THTPA: variants seen among roughly 807,000 people sequenced by gnomAD.
The protein encoded by THTPA is thiamine triphosphatase, also known as thiamine-triphosphatase.
A neutral mutation model predicts 16.5 loss-of-function variants in THTPA; 16 were observed. The ratio of observed to expected loss-of-function variants is 0.97; its 90% confidence interval spans 0.66 to 1.47. THTPA has a LOEUF of 1.47. THTPA is among the 40% of genes most tolerant of loss of function. The pLI is 0.00. For synonymous variants in THTPA, 110 were observed against 115.5 expected (o/e 0.95, Z 0.30); for missense variants, 281 against 280.9 (o/e 1.00, Z 0.00).
At chr14:23,551,141 T>C (rs918523686), upstream of THTPA, among the ~76,000 whole-genome samples, 2 of 151,072 alleles carry the variant, frequency 1.3e-5, no homozygotes, top group African/African-American at 4.9e-5. This position sits in a 1 kb window ranked among gnomAD's most constrained non-coding sequence, Gnocchi z 5.3. Flanking sequence ...CTGTCTGCTA[T>C]CTCCCAGGGC....
the THTPA span, chr14:23,523,029 C>A: frequency 1.4e-6 from 2 of 1,414,162 alleles, no homozygotes; most frequent in Non-Finnish European, 1.8e-6. The surrounding 1 kb of genome is among the most constrained non-coding windows in gnomAD (Gnocchi z 4.1). Flanking sequence ...CACACACACC[C>A]GTTCCCAGCA....
chr14:23,530,063 G>T, the THTPA span: 1 of 1,433,226 alleles, frequency 7.0e-7, no homozygotes, highest in Non-Finnish European at 9.5e-7. Flanking sequence ...ATTACTGCAA[G>T]GTCCCGTGAG....
chr14:23,555,549 C>G (rs1882292256), upstream of THTPA, among the ~76,000 whole-genome samples: 1 of 152,192 alleles, frequency 6.6e-6, no homozygotes. Flanking sequence ...GGCCAAAATA[C>G]CACTTTATTC....
chr14:23,531,870 T>C, the THTPA span: 10 of 1,061,610 alleles, frequency 9.4e-6, no homozygotes, highest in East Asian at 2.6e-4. Context: ...CTCTACCTCC[T>C]GGGTTCAGTG....
At position 23,559,705 on chromosome 14, in the gene THTPA, G is replaced by A; in HGVS notation, c.*865G>A. On this transcript the variant is annotated 3_prime_UTR_variant, in exon 2 of 2. Transcript: ENST00000288014. ...AGGTTCGAAGCTGCTGGGGCCCCCT[G>A]GGGTTTGGGACACAGGAGAATTTCA... 6.3e-7 allele frequency: 1 copy of A among 1,598,178 alleles called. No individual in the cohort carries two copies. The highest frequency in any genetic ancestry group is 2.2e-5 in the East Asian group (1 of 44,606).
the THTPA span, among the ~76,000 whole-genome samples, chr14:23,537,853 T>C: frequency 6.6e-6 from 1 of 152,204 alleles, no homozygotes; most frequent in African/African-American, 2.4e-5. Context: ...CACACCGCCC[T>C]TCCACTACCC....
At chr14:23,535,375 C>A in the THTPA span, 1 of 1,434,294 alleles carries the variant, frequency 7.0e-7, no homozygotes, top group South Asian at 1.5e-5. This position sits in a 1 kb window ranked among gnomAD's most constrained non-coding sequence, Gnocchi z 4.5. Flanking sequence ...AGCCAGTACC[C>A]TGTAGGGAGA....
upstream of THTPA, among the ~76,000 whole-genome samples, chr14:23,550,992 C>T (rs1216078987): frequency 6.6e-6 from 1 of 152,080 alleles, no homozygotes; most frequent in African/African-American, 2.4e-5. Flanking sequence ...CGCTCCCTGC[C>T]CAACTCGGCG....
At chr14:23,533,421 A>G in the THTPA span, 1 of 1,514,222 alleles carries the variant, frequency 6.6e-7, no homozygotes, top group Non-Finnish European at 8.8e-7. The surrounding 1 kb of genome is among the most constrained non-coding windows in gnomAD (Gnocchi z 4.8). Flanking sequence ...CCTGGGGCCC[A>G]AAGTACTGGA....
At chr14:23,533,084 G>T in the THTPA span, 2 of 1,521,978 alleles carry the variant, frequency 1.3e-6, no homozygotes, top group Non-Finnish European at 1.8e-6. This position sits in a 1 kb window ranked among gnomAD's most constrained non-coding sequence, Gnocchi z 4.8. Context: ...GCTTCCAGGG[G>T]CTAGAGGACA....
chr14:23,517,648 C>A, the THTPA span, among the ~76,000 whole-genome samples: 1 of 152,188 alleles, frequency 6.6e-6, no homozygotes, highest in African/African-American at 2.4e-5. Context: ...CATATCTCTT[C>A]CCTGATGTCC....
At chr14:23,524,292 G>A in the THTPA span, 5 of 1,536,354 alleles carry the variant, frequency 3.3e-6, no homozygotes, top group South Asian at 1.2e-5. The surrounding 1 kb of genome is among the most constrained non-coding windows in gnomAD (Gnocchi z 5.6). Context: ...AGCATCTTGC[G>A]TGTTGGGTTG....
chr14:23,537,307 A>G, the THTPA span, among the ~76,000 whole-genome samples: 1 of 151,838 alleles, frequency 6.6e-6, no homozygotes, highest in Non-Finnish European at 1.5e-5. Flanking sequence ...ACTTCCCCCA[A>G]GGTCCCAGTT....
At chr14:23,543,668 G>C in the THTPA span, 47 of 152,384 alleles carry the variant, frequency 3.1e-4, no homozygotes, top group Non-Finnish European at 3.8e-4. Context: ...CGGGAGGGAG[G>C]GAGTGGGAAC....
At chr14:23,524,525 T>A in the THTPA span, 1 of 1,526,722 alleles carries the variant, frequency 6.5e-7, no homozygotes, top group East Asian at 2.4e-5. This position sits in a 1 kb window ranked among gnomAD's most constrained non-coding sequence, Gnocchi z 5.6. Flanking sequence ...CAAGGGCAGA[T>A]CTAGGAGTTG....
chr14:23,539,623 C>T, the THTPA span, among the ~76,000 whole-genome samples: 3 of 152,184 alleles, frequency 2.0e-5, no homozygotes, highest in African/African-American at 4.8e-5. Context: ...ATCTGCCCCT[C>T]GCTGAAGAGG....
chr14:23,523,257 A>G, the THTPA span: 1 of 1,436,230 alleles, frequency 7.0e-7, no homozygotes, highest in Non-Finnish European at 9.1e-7. The surrounding 1 kb of genome is among the most constrained non-coding windows in gnomAD (Gnocchi z 4.1). Context: ...GCTGGGCCAG[A>G]TAAGAGGACC....
the THTPA span, chr14:23,535,332 C>T: frequency 3.9e-5 from 56 of 1,450,300 alleles, no homozygotes; most frequent in South Asian, 5.6e-5. The surrounding 1 kb of genome is among the most constrained non-coding windows in gnomAD (Gnocchi z 4.5). Context: ...CCATGGTAGA[C>T]GGAGGAGTGC....
the THTPA span, among the ~76,000 whole-genome samples, chr14:23,519,517 G>A: frequency 0.048 from 7,342 of 152,112 alleles, 210 homozygotes; most frequent in Middle Eastern, 0.065. Flanking sequence ...CACAAGACCC[G>A]GTGGCCAGTT....
Sources: gnomAD v4.1 joint callset for allele counts (sites outside exome capture counted in the v4.1 genomes callset) on GRCh38, gnomAD v4.1.1 for gene constraint, Gnocchi (gnomAD v3.1) non-coding constraint, MANE v1.5 for transcripts, NCBI Gene and HGNC (gene_info 2026-07-23, HGNC 2026-07-21) for gene names.